SEMA3E: variants seen among roughly 807,000 people sequenced by gnomAD.
SEMA3E encodes the protein semaphorin 3E, also known as semaphorin-3E.
A neutral mutation model predicts 93.6 loss-of-function variants in SEMA3E; 49 were observed. The ratio of observed to expected loss-of-function variants is 0.52; its 90% CI spans 0.42 to 0.66. The LOEUF is 0.66. SEMA3E is among the 30% of genes least tolerant of loss of function. The pLI, the probability that SEMA3E is intolerant of heterozygous loss-of-function variation, is 0.00. For synonymous variants in SEMA3E, 363 were observed against 330.7 expected, an observed-to-expected ratio of 1.10 and a Z score of -1.06; for missense variants, 906 against 964.8, an observed-to-expected ratio of 0.94 and a Z score of 0.81.
At chr7:83,585,000 C>G (rs1033268281) in intron 1 of SEMA3E, among the ~76,000 whole-genome samples, 1 of 152,118 alleles carries the variant, frequency 6.6e-6, no homozygotes, top group African/African-American at 2.4e-5. Flanking sequence ...ATCCTCTGGC[C>G]CCTGCCTAGG....
chr7:83,511,697 C>T (rs1284382767), intron 1 of SEMA3E, among the ~76,000 whole-genome samples: 1 of 151,728 alleles, frequency 6.6e-6, no homozygotes, highest in Non-Finnish European at 1.5e-5. Context: ...CCAGCCTGGC[C>T]AACATGGTGA....
intron 1 of SEMA3E, among the ~76,000 whole-genome samples, chr7:83,600,084 C>T (rs914167816): frequency 2.6e-5 from 4 of 152,130 alleles, no homozygotes. Context: ...TCTACTTTTA[C>T]TCTCTCATCC....
Position 83,504,683 on chromosome 7 carries a change from A to G in SEMA3E, c.116-14409T>C, listed in dbSNP as rs77883874. On this transcript the variant is annotated intron_variant, in intron 1 of 16. Coordinates refer to ENST00000643230, the MANE Select transcript of SEMA3E (RefSeq NM_012431.3). ...CTGTTTTCCTTTTCTGGCAATTATC[A>G]GTTAGTATTGATTTACTATCCAGAA... is the stretch of plus-strand genomic sequence containing the variant. Among the ~76,000 whole-genome samples the G allele has an allele frequency of 5.1e-3, 780 of 152,284 alleles. 12 individuals carry two copies. Among genetic ancestry groups the G allele is most frequent in the African/African-American group, 0.018 (748 of 41,564 alleles).
intron 1 of SEMA3E, among the ~76,000 whole-genome samples, chr7:83,545,452 C>A (rs1199223636): frequency 2.7e-5 from 4 of 150,304 alleles, no homozygotes; most frequent in Non-Finnish European, 5.9e-5. Context: ...GTCTTGAAAG[C>A]TTTTCAAGGC....
At chr7:83,416,883 CA>C (rs1194437729) in intron 5 of SEMA3E, among the ~76,000 whole-genome samples, 1 of 151,644 alleles carries the variant, frequency 6.6e-6, no homozygotes, top group Non-Finnish European at 1.5e-5. Flanking sequence ...TGGCATCCCC[CA>C]AAAGTGTTAT....
chr7:83,445,883 G>A (rs1789218102), intron 4 of SEMA3E, among the ~76,000 whole-genome samples: 1 of 152,130 alleles, frequency 6.6e-6, no homozygotes, highest in Non-Finnish European at 1.5e-5. Flanking sequence ...GCCTCCATTT[G>A]CCTTTTTAAA....
chr7:83,495,081 A>C (rs767630669), intron 1 of SEMA3E, among the ~76,000 whole-genome samples: 8 of 151,884 alleles, frequency 5.3e-5, no homozygotes, highest in Non-Finnish European at 8.8e-5. Context: ...TAATACCATA[A>C]ATTTGTTACA....
chr7:83,482,272 A>G (rs1289517023), intron 2 of SEMA3E, among the ~76,000 whole-genome samples: 1 of 152,128 alleles, frequency 6.6e-6, no homozygotes, highest in African/African-American at 2.4e-5. Context: ...TAAGCACAGT[A>G]AGATTTGCAA....
intron 1 of SEMA3E, among the ~76,000 whole-genome samples, chr7:83,507,220 TG>T (rs1228313541): frequency 1.3e-5 from 2 of 152,118 alleles, no homozygotes; most frequent in Non-Finnish European, 2.9e-5. Context: ...TACCCCTATC[TG>T]GAAGGAAAAA....
rs1420599865 is a variant in SEMA3E at position 83,426,974 on chromosome 7, ATATAT to A, written c.457-8496_457-8492del. 3.9e-5 allele frequency among the ~76,000 whole-genome samples: 6 copies of A among 152,178 alleles called. 1 individual carries two copies. The highest frequency in any genetic ancestry group is 3.4e-3 in the Middle Eastern group (1 of 294). On this transcript the variant is annotated intron_variant, in intron 4 of 16. Coordinates refer to ENST00000643230, the MANE Select transcript of SEMA3E (RefSeq NM_012431.3). The stretch of plus-strand genomic sequence containing the variant: ...TTATGATGGACTCTTGCTAGGATTA[ATATAT>A]TAAAGTTTCTGTTTAACATAACATA...
chr7:83,441,359 T>C (rs1789111766), intron 4 of SEMA3E, among the ~76,000 whole-genome samples: 1 of 152,156 alleles, frequency 6.6e-6, no homozygotes, highest in Admixed American at 6.5e-5. Flanking sequence ...AATTTGTATG[T>C]TTTTTTAAAT....
At chr7:83,370,885 T>G (rs1431716253) in intron 16 of SEMA3E, among the ~76,000 whole-genome samples, 2 of 152,186 alleles carry the variant, frequency 1.3e-5, no homozygotes, top group Non-Finnish European at 2.9e-5. Context: ...GCTCACTTTC[T>G]TTTGTCAACA....
intron 1 of SEMA3E, among the ~76,000 whole-genome samples, chr7:83,588,666 T>C (rs1562844790): frequency 1.3e-5 from 2 of 152,224 alleles, no homozygotes; most frequent in East Asian, 3.9e-4. Context: ...TGAACCTTTT[T>C]CCTCTATCCT....
chr7:83,423,977 A>G (rs555481882), intron 4 of SEMA3E, among the ~76,000 whole-genome samples: 37 of 152,178 alleles, frequency 2.4e-4, no homozygotes, highest in Non-Finnish European at 4.9e-4. Flanking sequence ...TGTTTTTTGC[A>G]GATTATAATT....
intron 1 of SEMA3E, among the ~76,000 whole-genome samples, chr7:83,498,324 T>C (rs1375477602): frequency 6.6e-6 from 1 of 152,164 alleles, no homozygotes; most frequent in Non-Finnish European, 1.5e-5. Context: ...ATATTGAACA[T>C]CCACTGTGTT....
At chr7:83,503,646 C>T (rs1790640056) in intron 1 of SEMA3E, among the ~76,000 whole-genome samples, 1 of 152,126 alleles carries the variant, frequency 6.6e-6, no homozygotes, top group Admixed American at 6.5e-5. Context: ...TATATATGGC[C>T]TATGTATCCT....
intron 14 of SEMA3E, among the ~76,000 whole-genome samples, chr7:83,390,072 C>CGTATAAGT (rs1562758516): frequency 1.4e-5 from 1 of 70,282 alleles, no homozygotes; most frequent in African/African-American, 4.1e-5. Context: ...CATATATGCG[C>CGTATAAGT]GTATACGTGT....
In SEMA3E at chr7:83,648,921, C is replaced by G. The variant is rs925375518; in HGVS notation, c.-379G>C. ...AAAGAGAGAAAAAAACAAAACCGAG[C>G]ACACGCACTCCCTTCTCCCGTGGAG... On this transcript the variant is annotated 5_prime_UTR_variant, in exon 1 of 17. Transcript: ENST00000643230. 2.7e-5 allele frequency: 6 copies of G among 221,058 alleles called. No individual in the cohort carries two copies. Among genetic ancestry groups the G allele is most frequent in the African/African-American group, 1.2e-4 (5 of 42,576 alleles). The allele number at this position is 221,058 out of a possible 1,614,324, so 13.7% of individuals were successfully genotyped here.
chr7:83,427,914 G>A (rs1788804423), intron 4 of SEMA3E, among the ~76,000 whole-genome samples: 1 of 152,156 alleles, frequency 6.6e-6, no homozygotes. Flanking sequence ...TGGAATTTCT[G>A]CCTGAGTAGT....
Sources: allele counts gnomAD v4.1 joint callset (sites outside exome capture counted in the v4.1 genomes callset), GRCh38; gene constraint gnomAD v4.1.1; transcripts MANE v1.5; gene names NCBI Gene and HGNC (gene_info 2026-07-23, HGNC 2026-07-21).